Variants in PLXNA4 observed in about 807,000 individuals in gnomAD.
The protein encoded by PLXNA4 is plexin A4, also known as plexin-A4.
In PLXNA4, 44 loss-of-function variants were observed where a neutral mutation model predicts 191.8. The ratio of observed to expected loss-of-function variants is 0.23; its 90% CI spans 0.18 to 0.29. The LOEUF is 0.29. Among genes scored for constraint, PLXNA4 ranks in the 10% least tolerant of loss-of-function variants. The pLI, the probability that PLXNA4 is intolerant of heterozygous loss-of-function variation, is 1.00. For synonymous variants in PLXNA4, 1,082 were observed against 1,009.5 expected, an observed-to-expected ratio of 1.07 and a Z score of -1.36; for missense variants, 1,800 against 2,488.8, an observed-to-expected ratio of 0.72 and a Z score of 5.89.
At chr7:132,277,909 A>G (rs566740405) in intron 4 of PLXNA4, among the ~76,000 whole-genome samples, 2 of 152,334 alleles carry the variant, frequency 1.3e-5, no homozygotes, top group Admixed American at 6.5e-5. Context: ...AATGGGTGTG[A>G]CCAAGTTCCA....
intron 3 of PLXNA4, among the ~76,000 whole-genome samples, chr7:132,412,567 G>A (rs781031186): frequency 2.0e-5 from 3 of 152,174 alleles, no homozygotes; most frequent in Non-Finnish European, 4.4e-5. Context: ...CAGCATAGAG[G>A]GCAATTGCTT....
At chr7:132,268,282 A>G (rs1220468485) in intron 4 of PLXNA4, among the ~76,000 whole-genome samples, 1 of 152,164 alleles carries the variant, frequency 6.6e-6, no homozygotes, top group Non-Finnish European at 1.5e-5. Flanking sequence ...ATGCAGGTAA[A>G]ACTATTTTAT....
At chr7:132,428,109 G>C (rs1381146402) in intron 3 of PLXNA4, among the ~76,000 whole-genome samples, 1 of 152,150 alleles carries the variant, frequency 6.6e-6, no homozygotes, top group East Asian at 1.9e-4. Flanking sequence ...GAGGCCCCAT[G>C]TACCCCAAGT....
At chr7:132,131,481 T>A (rs1794924579) in intron 31 of PLXNA4, among the ~76,000 whole-genome samples, 1 of 151,338 alleles carries the variant, frequency 6.6e-6, no homozygotes, top group South Asian at 2.1e-4. Flanking sequence ...CCTACTGATG[T>A]TGTAGTTTGA....
At chr7:132,376,851 C>T (rs1241415682) in intron 3 of PLXNA4, among the ~76,000 whole-genome samples, 1 of 152,224 alleles carries the variant, frequency 6.6e-6, no homozygotes, top group Non-Finnish European at 1.5e-5. Flanking sequence ...CCTTGATCCT[C>T]TCTGTCTTCC....
At chr7:132,334,710 C>A (rs1394711265) in intron 3 of PLXNA4, among the ~76,000 whole-genome samples, 1 of 152,134 alleles carries the variant, frequency 6.6e-6, no homozygotes, top group Non-Finnish European at 1.5e-5. Context: ...GAATGGCGGC[C>A]CCTAAAGCCC....
At chr7:132,517,000 CT>C (rs1231538485) in intron 1 of PLXNA4, among the ~76,000 whole-genome samples, 1 of 152,160 alleles carries the variant, frequency 6.6e-6, no homozygotes, top group Non-Finnish European at 1.5e-5. Flanking sequence ...TCTCCAGGGG[CT>C]GAGGGTCTTC....
intron 1 of PLXNA4, among the ~76,000 whole-genome samples, chr7:132,525,626 C>A (rs1441260896): frequency 6.6e-6 from 1 of 152,178 alleles, no homozygotes; most frequent in Non-Finnish European, 1.5e-5. Context: ...TTCATGGACA[C>A]AGGTGAGAAA....
Position 132,360,088 on chromosome 7 carries a change from A to G in PLXNA4, c.1372-61866T>C, listed in dbSNP as rs549995009. 5.9e-5 allele frequency among the ~76,000 whole-genome samples: 9 copies of G among 152,264 alleles called. No homozygotes were observed. In the South Asian group the frequency reaches 1.7e-3, roughly 28 times the overall value. On this transcript the variant is annotated intron_variant, in intron 3 of 31. Coordinates refer to ENST00000321063, the MANE Select transcript of PLXNA4 (RefSeq NM_020911.2). ...TTTAACAAATATATTCCCTTTAGGGACCTGATGTTAAAGACACAACATCCC... is the reference window on the plus strand; with the variant it reads ...TTTAACAAATATATTCCCTTTAGGGGCCTGATGTTAAAGACACAACATCCC...
In PLXNA4 at chr7:132,508,175, G is replaced by T; in HGVS notation, c.519C>A (p.Ile173=). 1 of 1,614,136 alleles carries T rather than the reference G, an allele frequency of 6.2e-7. No individual in the cohort carries two copies. The highest frequency in any genetic ancestry group is 8.5e-7 in the Non-Finnish European group (1 of 1,180,022). The stretch of plus-strand genomic sequence containing the variant: ...TGTCATCCAGGTTGCTGTAGGAGAC[G>T]ATCACTCCAAAGACTGAGCCGCTCT... The part of the protein sequence containing the change: ...VNESGSVFGV[I]VSYSNLDDKL... The change falls in exon 2 of 32, where the codon ATC becomes ATA. Residue 173 remains isoleucine (I), a synonymous_variant. Transcript: ENST00000321063. The surrounding 1 kb of genome is among the most constrained non-coding windows in gnomAD (Gnocchi z 4.4).
chr7:132,583,519 T>C (rs931371794), intron 2 of PLXNA4, among the ~76,000 whole-genome samples: 11 of 152,094 alleles, frequency 7.2e-5, no homozygotes, highest in Non-Finnish European at 2.9e-5. Context: ...GGCCAAGGCA[T>C]ATACAAGGAT....
intron 25 of PLXNA4, among the ~76,000 whole-genome samples, chr7:132,157,401 A>G (rs1795829358): frequency 6.6e-6 from 1 of 152,132 alleles, no homozygotes. Flanking sequence ...TGCATCCCAT[A>G]AAAGACTTGC....
intron 3 of PLXNA4, among the ~76,000 whole-genome samples, chr7:132,430,383 T>C (rs1371330484): frequency 2.6e-5 from 4 of 152,034 alleles, no homozygotes; most frequent in Admixed American, 6.6e-5. Context: ...AGTAAATCAA[T>C]GTGCAAGATG....
chr7:132,513,758 C>T (rs1464549449), intron 1 of PLXNA4, among the ~76,000 whole-genome samples: 2 of 150,882 alleles, frequency 1.3e-5, no homozygotes, highest in Non-Finnish European at 3.0e-5. Context: ...CTGCAACTTC[C>T]ACCTCCCAGG....
chr7:132,262,235 T>C (rs1269589720), intron 4 of PLXNA4, among the ~76,000 whole-genome samples: 4 of 152,192 alleles, frequency 2.6e-5, no homozygotes, highest in Non-Finnish European at 5.9e-5. Flanking sequence ...GGGAGAAGGT[T>C]ACACCTGGAA....
At chr7:132,269,422 C>G (rs757997658) in intron 4 of PLXNA4, among the ~76,000 whole-genome samples, 7 of 149,460 alleles carry the variant, frequency 4.7e-5, no homozygotes, top group African/African-American at 1.7e-4. Context: ...CTCCACCAGA[C>G]CGGTGAGCAA....
Position 132,507,620 on chromosome 7 carries a change from G to T in PLXNA4, c.1074C>A (p.Phe358Leu), listed in dbSNP as rs1239113416. 1.9e-6 allele frequency: 3 copies of T among 1,614,208 alleles called. No homozygotes were observed. The East Asian group carries it at 6.7e-5, about 36-fold the overall frequency. ...KSLDESALCI[F>L]ILKQINDRIK... ...TGCGGTCATTTATCTGCTTCAAGAT[G>T]AAGATGCACAGGGCCGACTCATCCA... The change falls in exon 2 of 32, where the codon TTC becomes TTA. Residue 358 changes from phenylalanine (F) to leucine (L), a missense_variant. Around this residue, in one of 6 missense-constraint regions of PLXNA4, gnomAD observed 1,397 missense variants for 1,880.4 expected, o/e 0.74. Coordinates refer to ENST00000321063, the MANE Select transcript of PLXNA4 (RefSeq NM_020911.2).
rs189466366 is a variant in PLXNA4, at chr7:132,375,837, G to T, written c.1372-77615C>A. Among the ~76,000 whole-genome samples, 246 of 152,312 alleles carry T rather than the reference G, an allele frequency of 1.6e-3. 1 individual carries two copies. The highest frequency in any genetic ancestry group is 4.9e-3 in the African/African-American group (205 of 41,566). ...TGTGGGGGAACAAAGCACAAGTGGG[G>T]ACTGCCAGCATGAAGAACTAAGTGA... On this transcript the variant is annotated intron_variant, in intron 3 of 31. Coordinates refer to ENST00000321063, the MANE Select transcript of PLXNA4 (RefSeq NM_020911.2).
chr7:132,435,309 G>T (rs1585130609), intron 3 of PLXNA4, among the ~76,000 whole-genome samples: 2 of 152,188 alleles, frequency 1.3e-5, no homozygotes, highest in African/African-American at 2.4e-5. Context: ...TGGGGAGGGG[G>T]GAGAGATTCT....
Sources: gnomAD v4.1 joint callset for allele counts (sites outside exome capture counted in the v4.1 genomes callset) on GRCh38, gnomAD v4.1.1 for gene constraint, gnomAD v4.1.1 regional missense constraint, Gnocchi (gnomAD v3.1) non-coding constraint, MANE v1.5 for transcripts, NCBI Gene and HGNC (gene_info 2026-07-23, HGNC 2026-07-21) for gene names.